Variants in INSL6 observed in about 807,000 individuals in gnomAD.
INSL6 encodes insulin-like peptide INSL6.
A neutral mutation model predicts 9.4 loss-of-function variants in INSL6; 16 were observed. That is an observed-to-expected ratio of 1.70 (90% CI 1.15 to 2.59). The LOEUF (loss-of-function observed/expected upper bound fraction) is 2.59. Ranked by LOEUF, INSL6 falls within the 30% of genes most tolerant of loss-of-function variation. The pLI is 0.00. For synonymous variants in INSL6, 154 were observed against 96.9 expected (o/e 1.59, Z -3.46); for missense variants, 391 against 257.3 (o/e 1.52, Z -3.56).
chr9:5,089,815 C>T, the INSL6 span: 2 of 1,593,248 alleles, frequency 1.3e-6, no homozygotes, highest in South Asian at 2.3e-5. Context: ...CCTGAAATCC[C>T]TACAGCATGA....
chr9:5,028,537 T>C, the INSL6 span, among the ~76,000 whole-genome samples: 7 of 152,220 alleles, frequency 4.6e-5, no homozygotes, highest in Non-Finnish European at 1.0e-4. Flanking sequence ...CTTTGAAACT[T>C]TGAAGGCAAG....
At chr9:5,167,277 C>G (rs1202269272) in intron 1 of INSL6, among the ~76,000 whole-genome samples, 1 of 152,196 alleles carries the variant, frequency 6.6e-6, no homozygotes, top group Non-Finnish European at 1.5e-5. Flanking sequence ...CCTCATGAGC[C>G]CATGCCACCA....
chr9:5,097,210 T>C, the INSL6 span: 2 of 152,212 alleles, frequency 1.3e-5, no homozygotes, highest in Admixed American at 6.5e-5. Flanking sequence ...ACACCCCTTT[T>C]CGTCCAACCA....
At chr9:5,179,401 G>T (rs1381006874) in intron 1 of INSL6, among the ~76,000 whole-genome samples, 4 of 152,122 alleles carry the variant, frequency 2.6e-5, no homozygotes, top group Non-Finnish European at 5.9e-5. Flanking sequence ...CTTTTACACT[G>T]TTGGTAGGGT....
chr9:5,039,300 C>T, the INSL6 span, among the ~76,000 whole-genome samples: 1 of 152,204 alleles, frequency 6.6e-6, no homozygotes, highest in South Asian at 2.1e-4. Flanking sequence ...AAAAGTTGTG[C>T]TTACACTGAA....
the INSL6 span, chr9:5,090,399 G>C: frequency 1.4e-6 from 2 of 1,393,526 alleles, no homozygotes; most frequent in South Asian, 1.7e-5. Flanking sequence ...TATTTAATCA[G>C]TATAATATGG....
chr9:5,066,537 G>A, the INSL6 span: 1 of 541,580 alleles, frequency 1.8e-6, no homozygotes, highest in Non-Finnish European at 3.3e-6. Context: ...TTTTTCCTTT[G>A]AAAGATTATT....
chr9:5,141,794 A>G (rs1824506483), intron 2 of INSL6, among the ~76,000 whole-genome samples: 1 of 152,212 alleles, frequency 6.6e-6, no homozygotes, highest in Admixed American at 6.5e-5. Context: ...ATCTTTGCCC[A>G]TGCCTATGTC....
At chr9:5,037,100 G>GA in the INSL6 span, among the ~76,000 whole-genome samples, 2 of 152,052 alleles carry the variant, frequency 1.3e-5, no homozygotes, top group Admixed American at 1.3e-4. Context: ...CAAAAGACAT[G>GA]AAAAAATGCT....
the INSL6 span, among the ~76,000 whole-genome samples, chr9:5,092,817 G>A: frequency 6.6e-6 from 1 of 152,136 alleles, no homozygotes; most frequent in Non-Finnish European, 1.5e-5. Context: ...GGTTGTCCAA[G>A]ATAGAATCTT....
the INSL6 span, chr9:5,111,025 T>C: frequency 6.0e-6 from 5 of 834,080 alleles, no homozygotes; most frequent in Non-Finnish European, 9.6e-6. Context: ...CCGGCCCGCC[T>C]CCCTGGCCGG....
the INSL6 span, chr9:5,091,023 G>GTCTT: frequency 1.3e-6 from 1 of 786,416 alleles, no homozygotes; most frequent in Non-Finnish European, 2.0e-6. Context: ...GAACATTTAA[G>GTCTT]TCTTTTAAGT....
At chr9:5,135,604 C>T (rs909952050) in intron 2 of INSL6, among the ~76,000 whole-genome samples, 2 of 152,168 alleles carry the variant, frequency 1.3e-5, no homozygotes, top group Admixed American at 1.3e-4. Flanking sequence ...ACCAGAATCT[C>T]TAGGACACAT....
chr9:5,059,730 G>A, the INSL6 span, among the ~76,000 whole-genome samples: 1 of 152,076 alleles, frequency 6.6e-6, no homozygotes, highest in South Asian at 2.1e-4. Flanking sequence ...GTCTAAAAAT[G>A]TCTTAGTTTG....
the INSL6 span, among the ~76,000 whole-genome samples, chr9:5,034,647 A>G: frequency 3.3e-5 from 5 of 152,128 alleles, no homozygotes; most frequent in Non-Finnish European, 7.3e-5. Flanking sequence ...TACTGGGTAC[A>G]TAACGAAATG....
the INSL6 span, among the ~76,000 whole-genome samples, chr9:5,079,610 A>G: frequency 6.6e-6 from 1 of 152,078 alleles, no homozygotes; most frequent in Non-Finnish European, 1.5e-5. Context: ...AATACCAAAA[A>G]GTATCATGGG....
chr9:5,049,028 C>T, the INSL6 span, among the ~76,000 whole-genome samples: 6 of 152,156 alleles, frequency 3.9e-5, no homozygotes, highest in African/African-American at 9.7e-5. Context: ...AGGTCAAAAT[C>T]GTAGAACCTC....
chr9:5,051,508 A>G, the INSL6 span, among the ~76,000 whole-genome samples: 2 of 152,158 alleles, frequency 1.3e-5, no homozygotes, highest in East Asian at 3.8e-4. Context: ...GTTGAAGCCC[A>G]CAAATATGAA....
intron 2 of INSL6, among the ~76,000 whole-genome samples, chr9:5,143,425 T>C (rs867837530): frequency 1.3e-5 from 2 of 152,066 alleles, no homozygotes; most frequent in South Asian, 4.2e-4. Flanking sequence ...GGAGGGGGTA[T>C]GTATCCAGGA....
Sources: gnomAD v4.1 joint callset for allele counts (sites outside exome capture counted in the v4.1 genomes callset) on GRCh38, gnomAD v4.1.1 for gene constraint, MANE v1.5 for transcripts, NCBI Gene and HGNC (gene_info 2026-07-23, HGNC 2026-07-21) for gene names.